Variants in STARD13 observed in about 807,000 individuals in gnomAD.
STARD13 encodes the protein StAR related lipid transfer domain containing 13, also known as stAR-related lipid transfer protein 13.
STARD13 carries 62 observed loss-of-function variants against 106.4 expected under a neutral mutation model. The ratio of observed to expected loss-of-function variants is 0.58; its 90% confidence interval spans 0.48 to 0.72. STARD13 has a LOEUF of 0.72. Ranked by LOEUF, STARD13 falls within the 30% of genes least tolerant of loss-of-function variation. The pLI, the probability that STARD13 is intolerant of heterozygous loss-of-function variation, is 0.00. For synonymous variants in STARD13, 565 were observed against 553.0 expected, an observed-to-expected ratio of 1.02 and a Z score of -0.31; for missense variants, 1,387 against 1,424.0, an observed-to-expected ratio of 0.97 and a Z score of 0.42.
exon 1 of STARD13, chr13:33,350,505 C>A: frequency 2.1e-6 from 3 of 1,456,764 alleles, no homozygotes; most frequent in Non-Finnish European, 2.7e-6. Flanking sequence ...AAAGGACGGA[C>A]GCGGCACTCC....
At chr13:33,131,188 C>A (rs144126085) in intron 4 of STARD13, among the ~76,000 whole-genome samples, 20 of 152,362 alleles carry the variant, frequency 1.3e-4, no homozygotes, top group Middle Eastern at 3.4e-3. Context: ...TAGAGCATAT[C>A]ATTTCCTTCT....
intron 1 of STARD13, among the ~76,000 whole-genome samples, chr13:33,308,520 C>CTTTTTTTTT (rs552526416): frequency 5.6e-3 from 496 of 88,512 alleles, no homozygotes; most frequent in Non-Finnish European, 7.2e-3. Context: ...CTTTTTCTTT[C>CTTTTTTTTT]TTTTTTTTTT....
chr13:33,584,298 A>G, the STARD13 span, among the ~76,000 whole-genome samples: 6 of 152,248 alleles, frequency 3.9e-5, no homozygotes, highest in East Asian at 9.7e-4. Context: ...GCTGGAATCT[A>G]CTTGGCTTCT....
chr13:33,599,249 T>G, the STARD13 span, among the ~76,000 whole-genome samples: 1 of 152,174 alleles, frequency 6.6e-6, no homozygotes, highest in Non-Finnish European at 1.5e-5. Context: ...TTCCAGGAAC[T>G]CCCTTTGCAC....
At chr13:33,312,233 G>A (rs1402487341) in intron 1 of STARD13, among the ~76,000 whole-genome samples, 1 of 152,180 alleles carries the variant, frequency 6.6e-6, no homozygotes, top group African/African-American at 2.4e-5. Context: ...ATTTATTAAA[G>A]AGAAACAAGT....
intron 1 of STARD13, among the ~76,000 whole-genome samples, chr13:33,216,611 A>C (rs1167311934): frequency 6.6e-6 from 1 of 152,196 alleles, no homozygotes; most frequent in African/African-American, 2.4e-5. Context: ...AATTGGGTTT[A>C]GTGTATACTG....
intron 1 of STARD13, among the ~76,000 whole-genome samples, chr13:33,330,991 G>A (rs1466970017): frequency 2.0e-5 from 3 of 152,100 alleles, no homozygotes; most frequent in African/African-American, 4.8e-5. Context: ...AAAAATAAAC[G>A]GGCTTGTGAT....
the STARD13 span, among the ~76,000 whole-genome samples, chr13:33,508,808 T>C: frequency 1.8e-3 from 276 of 152,328 alleles, no homozygotes; most frequent in African/African-American, 6.4e-3. Flanking sequence ...GGCAATTTTG[T>C]CATTGTGGGG....
chr13:33,422,451 A>G, the STARD13 span, among the ~76,000 whole-genome samples: 2 of 152,208 alleles, frequency 1.3e-5, no homozygotes, highest in African/African-American at 2.4e-5. Flanking sequence ...AGAGGACACA[A>G]GCAAATGGAA....
At chr13:33,602,504 A>G in the STARD13 span, among the ~76,000 whole-genome samples, 1 of 152,238 alleles carries the variant, frequency 6.6e-6, no homozygotes, top group Non-Finnish European at 1.5e-5. Flanking sequence ...TGATTTTGCT[A>G]CTTTAAGAAG....
chr13:33,215,118 T>G (rs1413444987), intron 1 of STARD13, among the ~76,000 whole-genome samples: 1 of 25,892 alleles, frequency 3.9e-5, no homozygotes. Context: ...GAATGAGTAC[T>G]TGGGGGGGGG....
At chr13:33,127,165 A>T (rs1360248497) in intron 6 of STARD13, among the ~76,000 whole-genome samples, 1 of 152,232 alleles carries the variant, frequency 6.6e-6, no homozygotes, top group Non-Finnish European at 1.5e-5. Flanking sequence ...TTCCCTGGAA[A>T]CCAACTGAGA....
the STARD13 span, among the ~76,000 whole-genome samples, chr13:33,444,232 T>C: frequency 6.6e-6 from 1 of 152,312 alleles, no homozygotes; most frequent in East Asian, 1.9e-4. Context: ...CCCTTTCTGT[T>C]GTGTAGGTGG....
chr13:33,533,471 A>G, the STARD13 span, among the ~76,000 whole-genome samples: 1 of 152,224 alleles, frequency 6.6e-6, no homozygotes, highest in Non-Finnish European at 1.5e-5. Flanking sequence ...GATTGGAAAT[A>G]CTATGGCACC....
chr13:33,444,860 C>A, the STARD13 span, among the ~76,000 whole-genome samples: 1 of 152,146 alleles, frequency 6.6e-6, no homozygotes, highest in Non-Finnish European at 1.5e-5. Context: ...TTTGTAATAC[C>A]TCCAAAGCCA....
At chr13:33,421,185 G>A in the STARD13 span, among the ~76,000 whole-genome samples, 1 of 152,196 alleles carries the variant, frequency 6.6e-6, no homozygotes, top group South Asian at 2.1e-4. Context: ...CAACAAAACT[G>A]ATAAACTGCT....
chr13:33,310,172 C>T (rs112248570), intron 1 of STARD13, among the ~76,000 whole-genome samples: 53 of 152,292 alleles, frequency 3.5e-4, no homozygotes, highest in African/African-American at 1.3e-3. Context: ...TGGGAGACCA[C>T]GTTGCTGACA....
At chr13:33,265,737 T>C (rs1005323332) in intron 1 of STARD13, among the ~76,000 whole-genome samples, 1 of 152,108 alleles carries the variant, frequency 6.6e-6, no homozygotes. Context: ...AAAATGTATA[T>C]GATTCCAGTG....
At chr13:33,350,140 A>C in intron 1 of STARD13, 1 of 1,128,668 alleles carries the variant, frequency 8.9e-7, no homozygotes, top group Non-Finnish European at 1.1e-6. Flanking sequence ...CGGCCCAGGG[A>C]GGGTGGTGCC....
Sources: gnomAD v4.1 joint callset for allele counts (sites outside exome capture counted in the v4.1 genomes callset) on GRCh38, gnomAD v4.1.1 for gene constraint, MANE v1.5 for transcripts, NCBI Gene and HGNC (gene_info 2026-07-23, HGNC 2026-07-21) for gene names.